Variants in CDK13 observed in about 807,000 individuals in gnomAD.
CDK13 encodes the protein cyclin dependent kinase 13.
A neutral mutation model predicts 137.6 loss-of-function variants in CDK13; 40 were observed. That is an observed-to-expected ratio of 0.29 (90% CI 0.23 to 0.38). The LOEUF (loss-of-function observed/expected upper bound fraction) is 0.38, where lower values mean the gene tolerates loss of function less well. CDK13 is among the 10% of genes least tolerant of loss of function. The pLI is 1.00. For missense variants in CDK13, 1,704 were observed against 1,951.8 expected (o/e 0.87, Z 2.39); for synonymous variants, 869 against 760.1 (o/e 1.14, Z -2.36).
At chr7:39,976,315 T>TCACACA (rs1263912236) in intron 1 of CDK13, among the ~76,000 whole-genome samples, 149 of 68,628 alleles carry the variant, frequency 2.2e-3, no homozygotes, top group Non-Finnish European at 4.4e-3. Context: ...TCTCTCTCTC[T>TCACACA]CTCTCTCTCA....
In CDK13 at chr7:40,038,919, G is replaced by T. The variant is rs1235194703; in HGVS notation, c.2354-6917G>T. Among the ~76,000 whole-genome samples, 4 of 152,024 alleles carry T rather than the reference G, an allele frequency of 2.6e-5. No homozygotes were observed. The South Asian group carries it at 6.2e-4, about 24-fold the overall frequency. Reference sequence around the variant, plus strand: ...CGTGTTAGTTAGTCTGGTCTCGATCGCCCGACCTCAGGTGATCTGCCCACC... The same window carrying T: ...CGTGTTAGTTAGTCTGGTCTCGATCTCCCGACCTCAGGTGATCTGCCCACC... On this transcript the variant is annotated intron_variant, in intron 5 of 13. Coordinates refer to ENST00000181839, the MANE Select transcript of CDK13 (RefSeq NM_003718.5).
chr7:40,063,330 C>T (rs141057489), intron 9 of CDK13, among the ~76,000 whole-genome samples: 4 of 152,070 alleles, frequency 2.6e-5, no homozygotes, highest in Middle Eastern at 6.8e-3. Flanking sequence ...TACATGCGTG[C>T]GTGCATGTGT....
chr7:40,031,327 G>T (rs1419121416), intron 5 of CDK13, among the ~76,000 whole-genome samples: 5 of 152,178 alleles, frequency 3.3e-5, no homozygotes, highest in African/African-American at 1.2e-4. Context: ...TTCAAGACCA[G>T]CCCGGCCAAC....
At chr7:40,051,984 G>A (rs1785899039) in intron 7 of CDK13, among the ~76,000 whole-genome samples, 2 of 152,082 alleles carry the variant, frequency 1.3e-5, no homozygotes, top group Admixed American at 1.3e-4. Flanking sequence ...GGTTTTTTAA[G>A]TATAGTTTTT....
intron 5 of CDK13, among the ~76,000 whole-genome samples, chr7:40,017,059 A>T (rs537003509): frequency 1.3e-5 from 2 of 152,208 alleles, no homozygotes; most frequent in East Asian, 1.9e-4. Flanking sequence ...CTATTCATGA[A>T]TTTTTTCAAA....
chr7:39,951,058 T>C lies in CDK13; in HGVS notation c.417T>C (p.Gly139=). 1 of 1,275,952 alleles carries C rather than the reference T, an allele frequency of 7.8e-7. No homozygotes were observed. Among genetic ancestry groups the C allele is most frequent in the Non-Finnish European group, 9.9e-7 (1 of 1,013,880 alleles). 79.0% of individuals were successfully genotyped at this position (1,275,952 alleles called of 1,614,324 possible). The part of the protein sequence containing the change: ...DGGGGASSGG[G]VTPLVEYEDV... ...GTGGCGGTGCTAGTAGCGGCGGGGG[T>C]GTGACCCCGCTGGTGGAATACGAGG... is the stretch of plus-strand genomic sequence containing the variant. Residue 139 remains glycine (G), a synonymous_variant, in exon 1 of 14, where the codon GGT becomes GGC. Coordinates refer to ENST00000181839, the MANE Select transcript of CDK13 (RefSeq NM_003718.5).
At chr7:40,083,714 A>G (rs1282409809) in intron 11 of CDK13, among the ~76,000 whole-genome samples, 1 of 152,212 alleles carries the variant, frequency 6.6e-6, no homozygotes, top group Non-Finnish European at 1.5e-5. Context: ...TTTTTCATTA[A>G]AAACAAACAT....
chr7:40,045,968 A>G lies in CDK13; in HGVS notation c.2486A>G (p.His829Arg). 1 of 1,611,566 alleles carries G rather than the reference A, an allele frequency of 6.2e-7. No homozygotes were observed. Among genetic ancestry groups the G allele is most frequent in the Middle Eastern group, 1.7e-4 (1 of 6,034 alleles). ...CTCATGGAGGGTCTGGATTATTGTC[A>G]TAAGAAGAACTTTTTGCATAGAGAT... ...RQLMEGLDYC[H>R]KKNFLHRDIK... Residue 829 changes from histidine (H) to arginine (R), a missense_variant, in exon 6 of 14, where the codon CAT (histidine) becomes CGT (arginine). Transcript: ENST00000181839.
chr7:40,030,930 T>C (rs2150504781), intron 5 of CDK13, among the ~76,000 whole-genome samples: 1 of 152,332 alleles, frequency 6.6e-6, no homozygotes, highest in South Asian at 2.1e-4. Context: ...TGAAGGATAT[T>C]TTGGGTACTT....
In CDK13 at chr7:39,999,713, C is replaced by T. The variant is rs73127864; in HGVS notation, c.2182+213C>T. ...ATATGTGTATATTTTAAAAAGTGTT[C>T]CTTTAGTATTTGTGATATACTGTAT... is the stretch of plus-strand genomic sequence containing the variant. On this transcript the variant is annotated intron_variant, in intron 4 of 13. Coordinates refer to ENST00000181839, the MANE Select transcript of CDK13 (RefSeq NM_003718.5). Among the ~76,000 whole-genome samples, 449 of 151,996 alleles carry T rather than the reference C, an allele frequency of 3.0e-3. 1 individual carries two copies. The highest frequency in any genetic ancestry group is 4.9e-3 in the Non-Finnish European group (332 of 67,922).
Position 40,039,473 on chromosome 7 carries a change from C to A in CDK13, c.2354-6363C>A, listed in dbSNP as rs187914096. On this transcript the variant is annotated intron_variant, in intron 5 of 13. Coordinates refer to ENST00000181839, the MANE Select transcript of CDK13 (RefSeq NM_003718.5). ...TTTTTTTTTTGCGACAGAGTGTCGC[C>A]CAGGCGGGAATGCAGTGGCAGGATC... Among the ~76,000 whole-genome samples the A allele has an allele frequency of 5.3e-3, 643 of 121,714 alleles. 8 individuals are homozygous for A. Among genetic ancestry groups the A allele is most frequent in the Admixed American group, 0.027 (301 of 11,206 alleles). The allele number at this position is 121,714 out of a possible 152,430, so 79.8% of individuals were successfully genotyped here.
At chr7:39,959,841 GTTT>G (rs34837261) in intron 1 of CDK13, among the ~76,000 whole-genome samples, 9 of 123,934 alleles carry the variant, frequency 7.3e-5, no homozygotes, top group African/African-American at 1.2e-4. Context: ...CTACTAACTT[GTTT>G]TTTTTTTTTT....
intron 2 of CDK13, among the ~76,000 whole-genome samples, chr7:39,990,835 T>C (rs952014642): frequency 9.2e-5 from 14 of 152,248 alleles, no homozygotes; most frequent in Non-Finnish European, 1.3e-4. Flanking sequence ...TAAAGTGTTA[T>C]GCATCTCAGT....
At chr7:39,960,685 C>T (rs1215609714) in intron 1 of CDK13, among the ~76,000 whole-genome samples, 1 of 152,160 alleles carries the variant, frequency 6.6e-6, no homozygotes, top group Non-Finnish European at 1.5e-5. Flanking sequence ...AGCTGTTCTT[C>T]AGCTTTAGCC....
intron 12 of CDK13, chr7:40,092,433 A>C: frequency 4.8e-6 from 1 of 206,954 alleles, no homozygotes; most frequent in South Asian, 9.2e-5. Context: ...AAATGCTTAG[A>C]AGGTATGTGA....
At chr7:40,071,713 C>T (rs1420905890) in intron 9 of CDK13, 1 of 152,100 alleles carries the variant, frequency 6.6e-6, no homozygotes, top group African/African-American at 2.4e-5. Context: ...CCACTGATCT[C>T]ATCAGAAAAG....
intron 2 of CDK13, among the ~76,000 whole-genome samples, chr7:39,990,800 T>C (rs957362724): frequency 2.0e-5 from 3 of 152,224 alleles, no homozygotes; most frequent in African/African-American, 4.8e-5. Flanking sequence ...ATTAAATTAG[T>C]TGATGGACTG....
intron 2 of CDK13, among the ~76,000 whole-genome samples, chr7:39,990,942 T>C: frequency 6.6e-6 from 1 of 152,360 alleles, no homozygotes; most frequent in African/African-American, 2.4e-5. Flanking sequence ...AATTACAAAA[T>C]ATGATTTACA....
intron 5 of CDK13, among the ~76,000 whole-genome samples, chr7:40,042,477 C>CTTTTTTTTTTTTT (rs5883713): frequency 3.5e-4 from 27 of 76,082 alleles, no homozygotes; most frequent in Non-Finnish European, 4.5e-4. Flanking sequence ...TCTTTTCTTT[C>CTTTTTTTTTTTTT]TTTTTTTTTT....
Sources: gnomAD v4.1 joint callset for allele counts (sites outside exome capture counted in the v4.1 genomes callset) on GRCh38, gnomAD v4.1.1 for gene constraint, MANE v1.5 for transcripts, NCBI Gene and HGNC (gene_info 2026-07-23, HGNC 2026-07-21) for gene names.